SSU72: variants seen among roughly 807,000 people sequenced by gnomAD.
SSU72 encodes SSU72 homolog, RNA polymerase II CTD phosphatase, also known as RNA polymerase II subunit A C-terminal domain phosphatase SSU72.
A neutral mutation model predicts 22.7 loss-of-function variants in SSU72; 12 were observed. The observed-to-expected ratio is 0.53, with a 90% CI of 0.34 to 0.86. The LOEUF (loss-of-function observed/expected upper bound fraction) is 0.86, where lower values mean the gene tolerates loss of function less well. Among genes scored for constraint, SSU72 ranks in the 40% least tolerant of loss-of-function variants. SSU72 has a pLI of 0.02. For synonymous variants in SSU72, 116 were observed against 98.3 expected, an observed-to-expected ratio of 1.18 and a Z score of -1.06; for missense variants, 151 against 249.8, an observed-to-expected ratio of 0.60 and a Z score of 2.67.
Position 1,571,056 on chromosome 1 carries a change from C to T in SSU72, c.80+3422G>A, listed in dbSNP as rs374358049. Among the ~76,000 whole-genome samples the T allele has an allele frequency of 2.2e-3, 329 of 152,098 alleles. 2 individuals carry two copies. The highest frequency in any genetic ancestry group is 7.5e-3 in the African/African-American group (313 of 41,526). Reference sequence around the variant, plus strand: ...GGTCAGGAGATCGAGGCCATCTGGCCAACACGGTGAAACCCTGACTCTACT... The same window carrying T: ...GGTCAGGAGATCGAGGCCATCTGGCTAACACGGTGAAACCCTGACTCTACT... On this transcript the variant is annotated intron_variant, in intron 1 of 4. Coordinates refer to ENST00000291386, the MANE Select transcript of SSU72 (RefSeq NM_014188.3).
At chr1:1,565,320 C>G (rs1479320009) in intron 1 of SSU72, among the ~76,000 whole-genome samples, 1 of 152,176 alleles carries the variant, frequency 6.6e-6, no homozygotes, top group East Asian at 1.9e-4. Context: ...TTGCAGTGAG[C>G]AGAGATAGCA....
intron 2 of SSU72, among the ~76,000 whole-genome samples, chr1:1,546,860 C>CAAAAAA (rs1169308811): frequency 1.5e-4 from 11 of 75,048 alleles, no homozygotes; most frequent in Non-Finnish European, 2.4e-4. Flanking sequence ...ACAACAACAA[C>CAAAAAA]AAAAAAAAAA....
chr1:1,573,497 C>T (rs1303365998), intron 1 of SSU72, among the ~76,000 whole-genome samples: 2 of 146,140 alleles, frequency 1.4e-5, no homozygotes, highest in Non-Finnish European at 3.1e-5. Context: ...AGATCATGAA[C>T]ACTTGACACT....
chr1:1,564,554 G>GT (rs1557504307), intron 2 of SSU72: 3 of 1,570,736 alleles, frequency 1.9e-6, no homozygotes, highest in East Asian at 2.4e-5. Context: ...ACCCCACACC[G>GT]TGTCTGTGCG....
chr1:1,551,523 T>C (rs3766176), intron 2 of SSU72, among the ~76,000 whole-genome samples: 36,717 of 151,776 alleles, frequency 0.24, 4,775 homozygotes, highest in East Asian at 0.49. Flanking sequence ...CCTACGTGTG[T>C]GTGCCAGCTG....
chr1:1,554,246 C>G lies in SSU72; in HGVS notation c.225-9244G>C, dbSNP rs11588893. Reference sequence around the variant, plus strand: ...GGTCCCCACGAAGCTGAGCATGAGGCGGACCCGGACCACTCGGGGGCCCCC... The same window carrying G: ...GGTCCCCACGAAGCTGAGCATGAGGGGGACCCGGACCACTCGGGGGCCCCC... On this transcript the variant is annotated intron_variant, in intron 2 of 4. Coordinates refer to ENST00000291386, the MANE Select transcript of SSU72 (RefSeq NM_014188.3). The surrounding 1 kb of genome is among the most constrained non-coding windows in gnomAD (Gnocchi z 4.1). Among the ~76,000 whole-genome samples the G allele has an allele frequency of 7.1e-6, 1 of 140,728 alleles. No homozygotes were observed. Among genetic ancestry groups the G allele is most frequent in the South Asian group, 2.2e-4 (1 of 4,566 alleles). 92.3% of individuals were successfully genotyped at this position (140,728 alleles called of 152,430 possible). A position where few individuals can be genotyped will look rare whatever the true frequency, so the allele number is the denominator to read the frequency against.
intron 1 of SSU72, among the ~76,000 whole-genome samples, chr1:1,570,565 G>C (rs1410610221): frequency 7.0e-6 from 1 of 142,260 alleles, no homozygotes; most frequent in Non-Finnish European, 1.6e-5. Context: ...AGTCTCTGCA[G>C]GGACCCCCCC....
chr1:1,541,917 T>C lies in SSU72; in HGVS notation c.*149A>G, dbSNP rs982571840. 5.9e-5 allele frequency: 39 copies of C among 660,118 alleles called. No homozygotes were observed. In the East Asian group the frequency reaches 1.1e-3, roughly 18 times the overall value. 40.9% of individuals were successfully genotyped at this position (660,118 alleles called of 1,614,324 possible). On this transcript the variant is annotated 3_prime_UTR_variant, in exon 5 of 5. Transcript: ENST00000291386. ...AACTTGATTGCTTTCATCTGGCGTT[T>C]TGGCATCTCCTCTCCCATTTCATAT...
At chr1:1,544,048 T>C (rs1642359734) in intron 3 of SSU72, 61 bp from the exon 4 acceptor site, 2 of 1,308,192 alleles carry the variant, frequency 1.5e-6, no homozygotes, top group South Asian at 2.5e-5. Context: ...AGGCAGTCAA[T>C]GTGGCTGAGT....
chr1:1,574,786 C>A lies in SSU72; in HGVS notation c.-229G>T, dbSNP rs1376032648. 4.2e-6 allele frequency: 1 copy of A among 236,242 alleles called. No individual in the cohort carries two copies. Among genetic ancestry groups the A allele is most frequent in the Non-Finnish European group, 8.2e-6 (1 of 122,086 alleles). 14.6% of individuals were successfully genotyped at this position (236,242 alleles called of 1,614,324 possible). A position where few individuals can be genotyped will look rare whatever the true frequency, so the allele number is the denominator to read the frequency against. Reference sequence around the variant, plus strand: ...TCGGGCGCGCTGCACTCGGCGAGGCCGGGGGCGGCCAACGCCGCGCCGGCC... The same window carrying A: ...TCGGGCGCGCTGCACTCGGCGAGGCAGGGGGCGGCCAACGCCGCGCCGGCC... On this transcript the variant is annotated 5_prime_UTR_variant, in exon 1 of 5. Transcript: ENST00000291386.
In SSU72 at chr1:1,555,020, G is replaced by A. The variant is rs544606167; in HGVS notation, c.224+9753C>T. 3.9e-5 allele frequency among the ~76,000 whole-genome samples: 6 copies of A among 152,270 alleles called. No homozygotes were observed. The South Asian group carries it at 1.2e-3, about 32-fold the overall frequency. On this transcript the variant is annotated intron_variant, in intron 2 of 4. Coordinates refer to ENST00000291386, the MANE Select transcript of SSU72 (RefSeq NM_014188.3). ...TTCCCTGCACGTATGACTCATCCCAGAGCATGCTAAGTGCTGCTGCCCTGA... is the reference window on the plus strand; with the variant it reads ...TTCCCTGCACGTATGACTCATCCCAAAGCATGCTAAGTGCTGCTGCCCTGA...
intron 1 of SSU72, among the ~76,000 whole-genome samples, chr1:1,569,019 A>G (rs1350935074): frequency 6.6e-6 from 1 of 152,080 alleles, no homozygotes; most frequent in Non-Finnish European, 1.5e-5. Context: ...TAAAAATACA[A>G]AAAAATTAGC....
intron 2 of SSU72, 190 bp downstream of exon 2, chr1:1,564,583 C>T: frequency 1.2e-6 from 2 of 1,604,272 alleles, no homozygotes; most frequent in Non-Finnish European, 1.7e-6. Flanking sequence ...CGCCTACTGC[C>T]ATGGGTGGCA....
chr1:1,541,862 C>A lies in SSU72; in HGVS notation c.*204G>T. ...AGAAGAAAAACTTTGTAATCAATAT[C>A]CTGCTCATAAGTAAAAGTGGAAAAG... On this transcript the variant is annotated 3_prime_UTR_variant, in exon 5 of 5. Transcript: ENST00000291386. The A allele has an allele frequency of 1.8e-6, 1 of 569,888 alleles. No homozygotes were observed. Among genetic ancestry groups the A allele is most frequent in the South Asian group, 2.1e-5 (1 of 48,704 alleles). The allele number at this position is 569,888 out of a possible 1,614,324, so 35.3% of individuals were successfully genotyped here. A position where few individuals can be genotyped will look rare whatever the true frequency, so the allele number is the denominator to read the frequency against.
chr1:1,558,107 C>A (rs917836695), intron 2 of SSU72, among the ~76,000 whole-genome samples: 4 of 150,238 alleles, frequency 2.7e-5, no homozygotes, highest in Admixed American at 2.0e-4. Context: ...GAGGCTGAGG[C>A]AGGAAAATCG....
Position 1,544,318 on chromosome 1 carries a change from C to T in SSU72, c.365-331G>A, listed in dbSNP as rs971319592. On this transcript the variant is annotated intron_variant, in intron 3 of 4. Coordinates refer to ENST00000291386, the MANE Select transcript of SSU72 (RefSeq NM_014188.3). ...CTCCACCGCCAGCTCCACACAGGGTCCATCCGCTTGAAAAATGGGCCTGGC... is the reference window on the plus strand; with the variant it reads ...CTCCACCGCCAGCTCCACACAGGGTTCATCCGCTTGAAAAATGGGCCTGGC... Among the ~76,000 whole-genome samples, 11 of 152,190 alleles carry T rather than the reference C, an allele frequency of 7.2e-5. No homozygotes were observed. The East Asian group carries it at 2.1e-3, about 29-fold the overall frequency.
At chr1:1,546,138 T>G (rs959535500) in intron 2 of SSU72, 2 of 152,260 alleles carry the variant, frequency 1.3e-5, no homozygotes, top group African/African-American at 4.8e-5. Context: ...ATGAGCTCTG[T>G]GGTCTGCAGG....
chr1:1,543,847 C>A lies in SSU72; in HGVS notation c.483+22G>T, dbSNP rs202237775. ...CCTCTGTCACAACCTCTGCCCAGCG[C>A]GGCGCCCAGCCGGGTACTTACACAC... is the stretch of plus-strand genomic sequence containing the variant. On this transcript the variant is annotated intron_variant, in intron 4 of 4. Coordinates refer to ENST00000291386, the MANE Select transcript of SSU72 (RefSeq NM_014188.3). 2 of 1,586,328 alleles carry A rather than the reference C, an allele frequency of 1.3e-6. 1 individual carries two copies. Among genetic ancestry groups the A allele is most frequent in the South Asian group, 2.2e-5 (2 of 90,458 alleles).
chr1:1,552,546 A>G (rs1019880242), intron 2 of SSU72, among the ~76,000 whole-genome samples: 1 of 150,410 alleles, frequency 6.6e-6, no homozygotes, highest in Non-Finnish European at 1.5e-5. Context: ...CCCCCAGCTC[A>G]GAGCCTGAGC....
Sources: gnomAD v4.1 joint callset for allele counts (sites outside exome capture counted in the v4.1 genomes callset) on GRCh38, gnomAD v4.1.1 for gene constraint, Gnocchi (gnomAD v3.1) non-coding constraint, MANE v1.5 for transcripts, NCBI Gene and HGNC (gene_info 2026-07-23, HGNC 2026-07-21) for gene names.